The following SDSL variants were observed in gnomAD, a reference collection of about 807,000 sequenced individuals.
SDSL encodes serine dehydratase like.
SDSL carries 26 observed loss-of-function variants against 27.6 expected under a neutral mutation model. The ratio of observed to expected loss-of-function variants is 0.94; its 90% confidence interval spans 0.69 to 1.31. SDSL has a LOEUF of 1.31. Ranked by LOEUF, SDSL falls within the 50% of genes most tolerant of loss-of-function variation. The pLI, the probability that SDSL is intolerant of heterozygous loss-of-function variation, is 0.00. For synonymous variants in SDSL, 196 were observed against 180.6 expected (o/e 1.09, Z -0.69); for missense variants, 431 against 423.5 (o/e 1.02, Z -0.16).
At chr12:113,437,588 G>T (rs1375329430) in intron 7 of SDSL, among the ~76,000 whole-genome samples, 5 of 152,092 alleles carry the variant, frequency 3.3e-5, no homozygotes, top group African/African-American at 4.8e-5. Context: ...GCTATGAATG[G>T]GTGGATGGAT....
intron 3 of SDSL, 61 bp from the exon 4 acceptor site, chr12:113,429,099 G>GGGGAGC: frequency 6.4e-7 from 1 of 1,565,144 alleles, no homozygotes; most frequent in Non-Finnish European, 8.7e-7. Context: ...GGAGGGGGAG[G>GGGGAGC]GGAAGGCATA....
chr12:113,427,642 G>A (rs971363227), intron 1 of SDSL, among the ~76,000 whole-genome samples: 4 of 152,160 alleles, frequency 2.6e-5, no homozygotes, highest in African/African-American at 9.7e-5. Context: ...GCACATAGTA[G>A]GTGCTGAATA....
intron 6 of SDSL, among the ~76,000 whole-genome samples, chr12:113,436,117 G>A (rs1379116031): frequency 6.6e-6 from 1 of 152,152 alleles, no homozygotes; most frequent in East Asian, 1.9e-4. Context: ...GGGAAACTTA[G>A]CAAGACCCTG....
At chr12:113,436,918 A>T in intron 7 of SDSL, 43 bp downstream of exon 7, 6 of 1,504,854 alleles carry the variant, frequency 4.0e-6, no homozygotes, top group Non-Finnish European at 5.3e-6. Flanking sequence ...AGACCCACGA[A>T]GTCCCTGCAT....
At chr12:113,436,680 G>C (rs1407233544) in intron 6 of SDSL, 71 bp from the exon 7 acceptor site, 1 of 1,438,902 alleles carries the variant, frequency 6.9e-7, no homozygotes, top group Non-Finnish European at 9.1e-7. Flanking sequence ...GCTGGGGCTG[G>C]GGAGAGACCT....
chr12:113,427,024 T>C (rs1380452117), intron 1 of SDSL: 1 of 152,022 alleles, frequency 6.6e-6, no homozygotes, highest in Non-Finnish European at 1.5e-5. Context: ...AATTAAGGGG[T>C]AAATAATGAC....
At chr12:113,425,093 C>T (rs1957832093) in intron 1 of SDSL, among the ~76,000 whole-genome samples, 1 of 152,138 alleles carries the variant, frequency 6.6e-6, no homozygotes. Context: ...TTTTTATCCC[C>T]ATTTTAGAGA....
At chr12:113,433,156 A>G (rs766955169) in intron 4 of SDSL, among the ~76,000 whole-genome samples, 18 of 152,244 alleles carry the variant, frequency 1.2e-4, no homozygotes, top group Middle Eastern at 3.4e-3. Flanking sequence ...TGTTTCAGTA[A>G]CTCAGGGGAA....
In SDSL at chr12:113,436,875, G is replaced by A. The variant is rs150276689; in HGVS notation, c.796G>A (p.Asp266Asn). The A allele has an allele frequency of 2.0e-5, 32 of 1,594,836 alleles. No individual in the cohort carries two copies. The highest frequency in any genetic ancestry group is 3.3e-4 in the Middle Eastern group (2 of 6,016). ...EAVSAVQQLL[D>N]DERMLVEPAC... ...TGTGAGCGCTGTGCAGCAGCTCCTG[G>A]GTGAGTGATCCCTGTCCTCCACCTG... Residue 266 changes from aspartate to asparagine, a missense_variant and splice_region_variant, in exon 7 of 8, where the codon GAT (aspartate) becomes AAT (asparagine). Coordinates refer to ENST00000403593, the MANE Select transcript of SDSL (RefSeq NM_001304993.2).
In SDSL at chr12:113,437,874, C is replaced by A; in HGVS notation, c.797-12C>A. 2 of 1,583,606 alleles carry A rather than the reference C, an allele frequency of 1.3e-6. No individual in the cohort carries two copies. Among genetic ancestry groups the A allele is most frequent in the South Asian group, 1.2e-5 (1 of 86,842 alleles). ...CCCTTTCCTTCCTCTCTCCATCCCC[C>A]GATCCTGGCAGATGATGAGCGTATG... On this transcript the variant is annotated splice_polypyrimidine_tract_variant and intron_variant, in intron 7 of 7. Transcript: ENST00000403593.
At chr12:113,437,487 T>C (rs896641285) in intron 7 of SDSL, among the ~76,000 whole-genome samples, 3 of 152,058 alleles carry the variant, frequency 2.0e-5, no homozygotes, top group Admixed American at 6.5e-5. Flanking sequence ...ATGAATGGTA[T>C]AGAAATGAAT....
At chr12:113,428,352 G>A (rs376277048) in intron 2 of SDSL, 68 bp from the exon 3 acceptor site, 254 of 1,510,086 alleles carry the variant, frequency 1.7e-4, no homozygotes, top group Middle Eastern at 2.2e-4. Flanking sequence ...AGACTCTAAC[G>A]CCATTCCACA....
intron 3 of SDSL, 130 bp downstream of exon 3, chr12:113,428,589 A>G (rs762724634): frequency 3.2e-5 from 23 of 716,984 alleles, no homozygotes; most frequent in Non-Finnish European, 5.1e-5. Flanking sequence ...TGAGATGACT[A>G]CTGTGTACAT....
chr12:113,432,967 T>C (rs1957952851), intron 4 of SDSL, among the ~76,000 whole-genome samples: 1 of 152,236 alleles, frequency 6.6e-6, no homozygotes, highest in East Asian at 1.9e-4. Context: ...TGAGTACTGC[T>C]GTGATGAACA....
At chr12:113,436,640 A>C (rs1019003416) in intron 6 of SDSL, 111 bp from the exon 7 acceptor site, 2 of 1,182,580 alleles carry the variant, frequency 1.7e-6, no homozygotes, top group African/African-American at 3.1e-5. Flanking sequence ...GCTGAGCTCC[A>C]ACCAGCCCAT....
At position 113,428,131 on chromosome 12, in the gene SDSL, G is replaced by T. The variant is rs747265272; in HGVS notation, c.149G>T (p.Arg50Leu). Residue 50 changes from arginine (R) to leucine (L), a missense_variant, in exon 2 of 8, where the codon CGG (arginine) becomes CTG (leucine). Arg to Leu is a moderately radical substitution (Grantham distance 102). Coordinates refer to ENST00000403593, the MANE Select transcript of SDSL (RefSeq NM_001304993.2). Reference protein sequence around the residue: ...NVQPSGSFKIRGIGHFCQEMA... With the variant: ...NVQPSGSFKILGIGHFCQEMA... ...CAGCCCAGCGGCTCCTTCAAGATTC[G>T]GGGCATTGGGCATTTCTGCCAGGAG... 6.2e-7 allele frequency: 1 copy of T among 1,612,558 alleles called. No individual in the cohort carries two copies. Among genetic ancestry groups the T allele is most frequent in the East Asian group, 2.2e-5 (1 of 44,862 alleles).
At chr12:113,427,885 C>A in intron 1 of SDSL, 77 bp from the exon 2 acceptor site, 1 of 1,366,740 alleles carries the variant, frequency 7.3e-7, no homozygotes. Flanking sequence ...GGGCTTTCTC[C>A]ACCTTCCCCT....
chr12:113,422,921 G>A (rs1957808552), intron 1 of SDSL: 1 of 152,350 alleles, frequency 6.6e-6, no homozygotes, highest in South Asian at 2.1e-4. Context: ...CTTGGCCAAG[G>A]TTGGCATGAC....
intron 4 of SDSL, among the ~76,000 whole-genome samples, chr12:113,431,577 G>GTT (rs780942889): frequency 0.016 from 2,339 of 141,914 alleles, 65 homozygotes; most frequent in African/African-American, 0.057. Flanking sequence ...ACAGGTAGTT[G>GTT]TTTTTTTTTT....
Sources: allele counts gnomAD v4.1 joint callset (sites outside exome capture counted in the v4.1 genomes callset), GRCh38; gene constraint gnomAD v4.1.1; transcripts MANE v1.5; gene names NCBI Gene and HGNC (gene_info 2026-07-23, HGNC 2026-07-21).